The following ZNF385B variants were observed in gnomAD, a reference collection of about 807,000 sequenced individuals.
ZNF385B encodes the protein zinc finger protein 385B.
A neutral mutation model predicts 39.2 loss-of-function variants in ZNF385B; 23 were observed. The ratio of observed to expected loss-of-function variants is 0.59; its 90% CI spans 0.42 to 0.83. The LOEUF is 0.83. ZNF385B is among the 40% of genes least tolerant of loss of function. The pLI is 0.00. For synonymous variants in ZNF385B, 205 were observed against 222.6 expected, an observed-to-expected ratio of 0.92 and a Z score of 0.70; for missense variants, 552 against 598.9, an observed-to-expected ratio of 0.92 and a Z score of 0.82.
intron 4 of ZNF385B, among the ~76,000 whole-genome samples, chr2:179,519,157 A>C (rs1314214234): frequency 6.6e-6 from 1 of 152,084 alleles, no homozygotes; most frequent in African/African-American, 2.4e-5. Context: ...TAAAAATGTT[A>C]ATGTTTTCCC....
At chr2:179,614,618 T>C (rs1025735377) in intron 3 of ZNF385B, among the ~76,000 whole-genome samples, 2 of 152,156 alleles carry the variant, frequency 1.3e-5, no homozygotes, top group Non-Finnish European at 2.9e-5. Context: ...TAGAGTTACA[T>C]TTAGAATTTG....
intron 5 of ZNF385B, among the ~76,000 whole-genome samples, chr2:179,499,435 GATCATT>G (rs1240223364): frequency 6.6e-6 from 1 of 151,948 alleles, no homozygotes; most frequent in African/African-American, 2.4e-5. Flanking sequence ...ACATTAGAAA[GATCATT>G]CATCATGACA....
chr2:179,600,981 T>A (rs1455397589), intron 3 of ZNF385B, among the ~76,000 whole-genome samples: 1 of 152,220 alleles, frequency 6.6e-6, no homozygotes. Flanking sequence ...TCAAAAGTTT[T>A]ATAAATATAT....
rs756740533 is a variant in ZNF385B at position 179,518,517 on chromosome 2, G to C, written c.552+11C>G. 6 of 1,547,516 alleles carry C rather than the reference G, an allele frequency of 3.9e-6. No individual in the cohort carries two copies. Among genetic ancestry groups the C allele is most frequent in the Non-Finnish European group, 5.3e-6 (6 of 1,131,168 alleles). The stretch of plus-strand genomic sequence containing the variant: ...ACAAACTACAGAGAATAATGAAAAG[G>C]TGATACTCACATCTGAGTTAAAGCG... On this transcript the variant is annotated intron_variant, in intron 5 of 9. Transcript: ENST00000410066.
intron 3 of ZNF385B, among the ~76,000 whole-genome samples, chr2:179,587,221 A>G (rs1379468183): frequency 6.6e-6 from 1 of 152,226 alleles, no homozygotes; most frequent in Non-Finnish European, 1.5e-5. Context: ...TCTTGTTGGC[A>G]GAAGAAATAC....
intron 6 of ZNF385B, among the ~76,000 whole-genome samples, chr2:179,450,813 T>C (rs1160677554): frequency 1.1e-4 from 16 of 152,096 alleles, no homozygotes; most frequent in African/African-American, 3.9e-4. Context: ...ATGTTTATTG[T>C]GGCACTATTC....
At chr2:179,655,735 A>G (rs367544194) in intron 3 of ZNF385B, among the ~76,000 whole-genome samples, 1 of 152,142 alleles carries the variant, frequency 6.6e-6, no homozygotes, top group African/African-American at 2.4e-5. Flanking sequence ...CTTTCAATTA[A>G]CTCATCTATC....
intron 3 of ZNF385B, among the ~76,000 whole-genome samples, chr2:179,763,229 G>T (rs1047473027): frequency 3.9e-5 from 6 of 152,040 alleles, no homozygotes; most frequent in Admixed American, 3.3e-4. Context: ...TATTTTAGTT[G>T]AATTTTAGTT....
At chr2:179,464,013 T>C (rs2051676552) in intron 6 of ZNF385B, among the ~76,000 whole-genome samples, 1 of 152,196 alleles carries the variant, frequency 6.6e-6, no homozygotes, top group Non-Finnish European at 1.5e-5. Flanking sequence ...CCAGCACCTG[T>C]TGTTTCCTGA....
intron 1 of ZNF385B, among the ~76,000 whole-genome samples, chr2:179,858,495 A>G (rs1433876443): frequency 6.6e-6 from 1 of 152,214 alleles, no homozygotes; most frequent in Non-Finnish European, 1.5e-5. Context: ...AGTAACATAC[A>G]AAAGAGCAAA....
intron 1 of ZNF385B, among the ~76,000 whole-genome samples, chr2:179,781,380 A>G (rs1704654432): frequency 6.6e-6 from 1 of 152,210 alleles, no homozygotes; most frequent in Non-Finnish European, 1.5e-5. Context: ...GACAATACTG[A>G]CAAAGGTAAC....
chr2:179,471,318 C>T (rs1369194867), intron 6 of ZNF385B, among the ~76,000 whole-genome samples: 1 of 152,150 alleles, frequency 6.6e-6, no homozygotes, highest in Admixed American at 6.6e-5. Context: ...ATAAAAATAA[C>T]TTCACATGGA....
intron 3 of ZNF385B, among the ~76,000 whole-genome samples, chr2:179,634,993 A>AAAAAAAAT (rs1166340577): frequency 1.4e-5 from 2 of 140,410 alleles, no homozygotes; most frequent in African/African-American, 5.3e-5. Flanking sequence ...AAAAAAAAAA[A>AAAAAAAAT]TAGCCAGGCG....
chr2:179,575,137 T>C lies in ZNF385B; in HGVS notation c.299-30168A>G, dbSNP rs568614510. Among the ~76,000 whole-genome samples, 5 of 152,228 alleles carry C rather than the reference T, an allele frequency of 3.3e-5. No homozygotes were observed. In the East Asian group the frequency reaches 9.7e-4, roughly 30 times the overall value. On this transcript the variant is annotated intron_variant, in intron 3 of 9. Transcript: ENST00000410066. ...CTGCCCCAGGCCTCAGCTCTGTATA[T>C]GCAGATACCTCCTGGGTATTGCCAA...
At chr2:179,823,977 A>G (rs1247261604) in intron 1 of ZNF385B, among the ~76,000 whole-genome samples, 1 of 152,136 alleles carries the variant, frequency 6.6e-6, no homozygotes, top group East Asian at 1.9e-4. Context: ...AATTCCAGTG[A>G]CAGGGTTTGG....
At chr2:179,537,767 A>AAAAAAAAC (rs2059677508) in intron 4 of ZNF385B, among the ~76,000 whole-genome samples, 6 of 125,262 alleles carry the variant, frequency 4.8e-5, no homozygotes, top group Admixed American at 7.9e-5. Flanking sequence ...ACAAACAAAC[A>AAAAAAAAC]AAAAAAAAAA....
chr2:179,769,855 C>A (rs1703913602), intron 2 of ZNF385B, 53 bp from the exon 3 acceptor site: 3 of 1,476,658 alleles, frequency 2.0e-6, no homozygotes, highest in Admixed American at 4.2e-5. Context: ...GCCTTATTTT[C>A]TAGTATGATT....
At chr2:179,825,371 A>C (rs1040540422) in intron 1 of ZNF385B, among the ~76,000 whole-genome samples, 1 of 151,974 alleles carries the variant, frequency 6.6e-6, no homozygotes, top group Non-Finnish European at 1.5e-5. Flanking sequence ...ATCAAAATAA[A>C]TTTTAAATTC....
At chr2:179,660,137 T>G (rs953613109) in intron 3 of ZNF385B, 3 of 152,596 alleles carry the variant, frequency 2.0e-5, no homozygotes, top group Non-Finnish European at 4.4e-5. Context: ...GTATAATAAA[T>G]GTATCAGGAG....
Sources: gnomAD v4.1 joint callset for allele counts (sites outside exome capture counted in the v4.1 genomes callset) on GRCh38, gnomAD v4.1.1 for gene constraint, MANE v1.5 for transcripts, NCBI Gene and HGNC (gene_info 2026-07-23, HGNC 2026-07-21) for gene names.